GAPVD1: variants seen among roughly 807,000 people sequenced by gnomAD.
GAPVD1 encodes GTPase-activating protein and VPS9 domain-containing protein 1.
A neutral mutation model predicts 155.5 loss-of-function variants in GAPVD1; 35 were observed. The observed-to-expected ratio is 0.23, with a 90% CI of 0.17 to 0.30. GAPVD1 has a LOEUF of 0.30. Among genes scored for constraint, GAPVD1 ranks in the 10% least tolerant of loss-of-function variants. The probability of loss-of-function intolerance (pLI) is 1.00; values close to 1 mark genes in which losing one functional copy is unlikely to be tolerated. For missense variants in GAPVD1, 1,429 were observed against 1,775.7 expected, an observed-to-expected ratio of 0.80 and a Z score of 3.51; for synonymous variants, 636 against 619.7, an observed-to-expected ratio of 1.03 and a Z score of -0.39.
intron 2 of GAPVD1, among the ~76,000 whole-genome samples, chr9:125,274,966 C>T (rs10819043): frequency 0.51 from 77,631 of 151,920 alleles, 19,954 homozygotes; most frequent in Middle Eastern, 0.59. Context: ...AGACTGCCTC[C>T]GGGATCTTAG....
Position 125,323,937 on chromosome 9 carries a change from G to T in GAPVD1, c.1858+14G>T. On this transcript the variant is annotated intron_variant, in intron 11 of 27. Coordinates refer to ENST00000297933, the MANE Select transcript of GAPVD1 (RefSeq NM_001282680.3). ...AACATGAGCAAGGTAAAGTGAAGTT[G>T]AACACAGTTGCCTAAGTAGCAAAGA... 3 of 1,609,790 alleles carry T rather than the reference G, an allele frequency of 1.9e-6. No homozygotes were observed. The highest frequency in any genetic ancestry group is 2.2e-5 in the South Asian group (2 of 90,228).
chr9:125,344,322 A>G (rs1848232455), intron 19 of GAPVD1, among the ~76,000 whole-genome samples: 2 of 152,202 alleles, frequency 1.3e-5, no homozygotes, highest in South Asian at 4.1e-4. Context: ...TTCTTCTTTT[A>G]CCAAGTTATT....
chr9:125,290,515 C>A lies in GAPVD1; in HGVS notation c.-149-4943C>A, dbSNP rs142305257. 2.6e-5 allele frequency among the ~76,000 whole-genome samples: 4 copies of A among 152,248 alleles called. No homozygotes were observed. In the East Asian group the frequency reaches 7.7e-4, roughly 29 times the overall value. On this transcript the variant is annotated intron_variant, in intron 2 of 27. Coordinates refer to ENST00000297933, the MANE Select transcript of GAPVD1 (RefSeq NM_001282680.3). ...CTGTGAGCTTGTGGAAAGTCTCTTTCTCATTGCTTCATTTTTCTCAATGAA... is the reference window on the plus strand; with the variant it reads ...CTGTGAGCTTGTGGAAAGTCTCTTTATCATTGCTTCATTTTTCTCAATGAA...
chr9:125,300,039 ATATATATATATAT>A (rs1840581274), intron 4 of GAPVD1, among the ~76,000 whole-genome samples: 182 of 15,142 alleles, frequency 0.012, 48 homozygotes, highest in South Asian at 0.019. Flanking sequence ...AAAAAAAAAA[ATATATATATATAT>A]ATATATATAT....
intron 15 of GAPVD1, chr9:125,335,368 A>C (rs539363968): frequency 1.6e-5 from 8 of 488,954 alleles, no homozygotes; most frequent in African/African-American, 1.2e-4. Flanking sequence ...TTACCATTAA[A>C]ATTTTTTCTT....
intron 27 of GAPVD1, among the ~76,000 whole-genome samples, chr9:125,362,249 A>G (rs980087159): frequency 1.3e-5 from 2 of 152,220 alleles, no homozygotes; most frequent in Admixed American, 6.5e-5. Context: ...CTTACCAGAT[A>G]TAACTCAATT....
intron 9 of GAPVD1, among the ~76,000 whole-genome samples, chr9:125,319,437 C>T (rs1449327970): frequency 6.7e-6 from 1 of 149,794 alleles, no homozygotes; most frequent in Non-Finnish European, 1.5e-5. Context: ...TGGAATCTCC[C>T]TCTGTCACCC....
In GAPVD1 at chr9:125,261,876, G is replaced by C. The variant is rs942168350; in HGVS notation, c.-282G>C. On this transcript the variant is annotated 5_prime_UTR_variant, in exon 1 of 28. Transcript: ENST00000297933. ...GAAGGTGGCGGCAGCGGCGGCGGGGGCAGTCACCGGCTAGGGCGACGGCTC... is the reference window on the plus strand; with the variant it reads ...GAAGGTGGCGGCAGCGGCGGCGGGGCCAGTCACCGGCTAGGGCGACGGCTC... 2 of 154,094 alleles carry C rather than the reference G, an allele frequency of 1.3e-5. No individual in the cohort carries two copies. The highest frequency in any genetic ancestry group is 4.8e-5 in the African/African-American group (2 of 41,484). The allele number at this position is 154,094 out of a possible 1,614,324, so 9.5% of individuals were successfully genotyped here. A position where few individuals can be genotyped will look rare whatever the true frequency, so the allele number is the denominator to read the frequency against.
rs376138751 is a variant in GAPVD1 at position 125,302,048 on chromosome 9, A to G, written c.251A>G (p.Asp84Gly). The G allele has an allele frequency of 1.2e-6, 2 of 1,606,772 alleles. No individual in the cohort carries two copies. Among genetic ancestry groups the G allele is most frequent in the Admixed American group, 1.7e-5 (1 of 58,742 alleles). ...ATTTTGGAAGATACACAATTTGTTG[A>G]TGGGTATAAGCAATTGGGATTTCAG... ...AKILEDTQFV[D>G]GYKQLGFQET... The change falls in exon 5 of 28, where the codon GAT (aspartate) becomes GGT (glycine). Residue 84 changes from aspartate to glycine, a missense_variant. Coordinates refer to ENST00000297933, the MANE Select transcript of GAPVD1 (RefSeq NM_001282680.3).
intron 8 of GAPVD1, among the ~76,000 whole-genome samples, chr9:125,310,843 C>CTT (rs879486917): frequency 1.7e-5 from 2 of 119,034 alleles, no homozygotes; most frequent in African/African-American, 3.1e-5. Context: ...CAGCCTTCTT[C>CTT]TTTTTTTTTT....
At chr9:125,285,893 T>G (rs1312500163) in intron 2 of GAPVD1, among the ~76,000 whole-genome samples, 3 of 150,422 alleles carry the variant, frequency 2.0e-5, no homozygotes, top group Non-Finnish European at 4.4e-5. Flanking sequence ...ACTGCAGCAT[T>G]GACCTCCCTG....
At chr9:125,350,166 A>G in intron 21 of GAPVD1, 129 bp from the exon 22 acceptor site, 1 of 625,256 alleles carries the variant, frequency 1.6e-6, no homozygotes, top group Non-Finnish European at 2.7e-6. Context: ...AGTGTCAGTT[A>G]AGAATCATCT....
chr9:125,288,993 A>G (rs1838165000), intron 2 of GAPVD1, among the ~76,000 whole-genome samples: 1 of 152,200 alleles, frequency 6.6e-6, no homozygotes, highest in African/African-American at 2.4e-5. Flanking sequence ...TGGGATGGTG[A>G]GCAAGTGCAA....
In GAPVD1 at chr9:125,312,528, T is replaced by C. The variant is rs432757; in HGVS notation, c.1518T>C (p.Ile506=). 0.95 allele frequency: 1,537,735 copies of C among 1,610,904 alleles called. 734,227 individuals carry two copies. Among genetic ancestry groups the C allele is most frequent in the East Asian group, 1 (44,740 of 44,744 alleles). Residue 506 remains isoleucine, a synonymous_variant, in exon 9 of 28, where the codon ATT becomes ATC. Transcript: ENST00000297933. ...ATGAAGGATCATCTCAAGAAACCAT[T>C]CAGGAGGTGCAACCAGAAGAGGTGT... The part of the protein sequence containing the change: ...MDHEGSSQET[I]QEVQPEEVLV...
rs1849014832 is a variant in GAPVD1, at chr9:125,349,534, G to A, written c.3299+15G>A. ...TTCTCTTACAGGTATTTCTTTTATA[G>A]GATTTGGGACTTTAGGGTTTGGACT... On this transcript the variant is annotated intron_variant, in intron 21 of 27. Coordinates refer to ENST00000297933, the MANE Select transcript of GAPVD1 (RefSeq NM_001282680.3). The A allele has an allele frequency of 6.2e-7, 1 of 1,612,582 alleles. No individual in the cohort carries two copies. The highest frequency in any genetic ancestry group is 8.5e-7 in the Non-Finnish European group (1 of 1,178,760).
rs774322562 is a variant in GAPVD1 at position 125,355,691 on chromosome 9, G to A, written c.3805G>A (p.Asp1269Asn). ...AADDKTAQVE[D>N]FLQFLYGAMA... ...TGACGATAAAACTGCTCAGGTAGAA[G>A]ATTTTCTGCAGTTTCTTTATGGTGC... The change falls in exon 25 of 28, where the codon GAT becomes AAT. Residue 1269 changes from aspartate (D) to asparagine (N), a missense_variant. By Grantham distance (23) the Asp-to-Asn change is conservative. Transcript: ENST00000297933. 6.2e-7 allele frequency: 1 copy of A among 1,613,896 alleles called. No individual in the cohort carries two copies. The highest frequency in any genetic ancestry group is 1.7e-5 in the Admixed American group (1 of 60,010).
At chr9:125,308,955 C>T (rs1467983325) in intron 8 of GAPVD1, 1 of 152,164 alleles carries the variant, frequency 6.6e-6, no homozygotes, top group Non-Finnish European at 1.5e-5. Flanking sequence ...AGTCTGTTTG[C>T]ACTTTGTGAT....
intron 8 of GAPVD1, 197 bp downstream of exon 8, chr9:125,308,077 T>TA (rs1234448692): frequency 1.7e-6 from 1 of 598,612 alleles, no homozygotes; most frequent in African/African-American, 1.9e-5. Context: ...TTTGCCTACA[T>TA]ACTTTTCATA....
chr9:125,293,849 A>ATATAAATATATT (rs1839161175), intron 2 of GAPVD1, among the ~76,000 whole-genome samples: 2 of 48,532 alleles, frequency 4.1e-5, no homozygotes, highest in African/African-American at 2.2e-4. Flanking sequence ...ATAAAAATAT[A>ATATAAATATATT]TTTTATATAT....
Sources: allele counts gnomAD v4.1 joint callset (sites outside exome capture counted in the v4.1 genomes callset), GRCh38; gene constraint gnomAD v4.1.1; transcripts MANE v1.5; gene names NCBI Gene and HGNC (gene_info 2026-07-23, HGNC 2026-07-21).